The following ZDHHC2 variants were observed in gnomAD, a reference collection of about 807,000 sequenced individuals.
ZDHHC2 encodes palmitoyltransferase ZDHHC2.
In ZDHHC2, 51 loss-of-function variants were observed where a neutral mutation model predicts 55.6. The observed-to-expected ratio is 0.92, with a 90% CI of 0.73 to 1.16. The LOEUF is 1.16. ZDHHC2 is among the 50% of genes most tolerant of loss of function. The pLI is 0.00. For missense variants in ZDHHC2, 491 were observed against 442.4 expected (o/e 1.11, Z -0.99); for synonymous variants, 199 against 152.9 (o/e 1.30, Z -2.22).
At chr8:17,175,202 C>G (rs1160648119) in intron 1 of ZDHHC2, among the ~76,000 whole-genome samples, 1 of 152,150 alleles carries the variant, frequency 6.6e-6, no homozygotes, top group Non-Finnish European at 1.5e-5. Context: ...CAATGCATGC[C>G]AAGCCCTGTT....
chr8:17,201,044 A>G (rs898906915), intron 6 of ZDHHC2, among the ~76,000 whole-genome samples: 1 of 152,202 alleles, frequency 6.6e-6, no homozygotes, highest in Non-Finnish European at 1.5e-5. Context: ...TGGAGCAGCC[A>G]TTGTATTTAA....
At chr8:17,179,964 G>C (rs1316884856) in intron 1 of ZDHHC2, among the ~76,000 whole-genome samples, 2 of 152,140 alleles carry the variant, frequency 1.3e-5, no homozygotes, top group East Asian at 3.9e-4. Context: ...AAGATAAAAT[G>C]AGGCAAATAA....
rs1019248312 is a variant in ZDHHC2 at position 17,224,007 on chromosome 8, A to C, written c.*3786A>C. 1.3e-5 allele frequency: 2 copies of C among 151,668 alleles called. No homozygotes were observed. The highest frequency in any genetic ancestry group is 3.9e-4 in the East Asian group (2 of 5,176). 9.4% of individuals were successfully genotyped at this position (151,668 alleles called of 1,614,324 possible). A position where few individuals can be genotyped will look rare whatever the true frequency, so the allele number is the denominator to read the frequency against. On this transcript the variant is annotated 3_prime_UTR_variant, in exon 13 of 13. Transcript: ENST00000262096. ...CTCCCAGAACAATGTTGAGTGTTTC[A>C]GGAGACTCTGAAACAGGGCACCCAT...
In ZDHHC2 at chr8:17,217,243, A is replaced by AAT. The variant is rs766274046; in HGVS notation, c.*32_*33insTA. 6.3e-7 allele frequency: 1 copy of AAT among 1,588,556 alleles called. No homozygotes were observed. The highest frequency in any genetic ancestry group is 2.2e-5 in the East Asian group (1 of 44,540). On this transcript the variant is annotated 3_prime_UTR_variant, in exon 12 of 13. Transcript: ENST00000262096. ...CAAGCAAGATAAATTCATACTTTAT[A>AAT]AAAGTACGATAATTTTCCCTTTATT...
At chr8:17,164,499 A>C (rs80264469) in intron 1 of ZDHHC2, among the ~76,000 whole-genome samples, 1 of 152,260 alleles carries the variant, frequency 6.6e-6, no homozygotes, top group East Asian at 1.9e-4. Flanking sequence ...CATTCCTGTC[A>C]TACTTAAATT....
Position 17,198,284 on chromosome 8 carries a change from C to T in ZDHHC2, c.444-97C>T, listed in dbSNP as rs192339851. On this transcript the variant is annotated intron_variant, in intron 5 of 12. Transcript: ENST00000262096. ...AATAATTTTGCAATATTTTACTTGCCGCAGCTGTTTGAACTAACCATAATT... is the reference window on the plus strand; with the variant it reads ...AATAATTTTGCAATATTTTACTTGCTGCAGCTGTTTGAACTAACCATAATT... 5.0e-4 allele frequency: 584 copies of T among 1,157,024 alleles called. 8 individuals are homozygous for T. In the South Asian group the frequency reaches 5.1e-3, roughly 10 times the overall value. 71.7% of individuals were successfully genotyped at this position (1,157,024 alleles called of 1,614,324 possible).
chr8:17,212,713 A>G (rs748250966), intron 10 of ZDHHC2, among the ~76,000 whole-genome samples: 18 of 152,014 alleles, frequency 1.2e-4, no homozygotes, highest in Non-Finnish European at 2.2e-4. Flanking sequence ...TGAAAGCTCT[A>G]TTAGTTTCCC....
intron 4 of ZDHHC2, among the ~76,000 whole-genome samples, chr8:17,197,191 C>T (rs1301233469): frequency 6.6e-6 from 1 of 152,124 alleles, no homozygotes; most frequent in Admixed American, 6.5e-5. Flanking sequence ...AACCTGGTGT[C>T]CTTATTCCTA....
At chr8:17,183,307 C>T (rs1805528294) in intron 1 of ZDHHC2, among the ~76,000 whole-genome samples, 1 of 152,148 alleles carries the variant, frequency 6.6e-6, no homozygotes, top group Admixed American at 6.5e-5. Context: ...CTTTTGAAGA[C>T]AGGGTGTAGT....
chr8:17,202,165 G>A (rs1806816840), intron 6 of ZDHHC2, among the ~76,000 whole-genome samples: 1 of 152,158 alleles, frequency 6.6e-6, no homozygotes, highest in South Asian at 2.1e-4. Flanking sequence ...TTATGTTCTA[G>A]AGGCCATACA....
At chr8:17,209,404 T>C (rs938409368) in intron 8 of ZDHHC2, among the ~76,000 whole-genome samples, 3 of 152,172 alleles carry the variant, frequency 2.0e-5, no homozygotes, top group Admixed American at 1.3e-4. Context: ...GAAGAATTGC[T>C]TGAGCCTGGG....
At chr8:17,173,175 C>T (rs1055969222) in intron 1 of ZDHHC2, among the ~76,000 whole-genome samples, 11 of 152,242 alleles carry the variant, frequency 7.2e-5, no homozygotes, top group East Asian at 1.9e-4. Context: ...CCAGTGGCTG[C>T]GAGGCATCCG....
Position 17,197,649 on chromosome 8 carries a change from T to C in ZDHHC2, c.441T>C (p.Asp147=), listed in dbSNP as rs1806388871. 5.0e-6 allele frequency: 8 copies of C among 1,613,556 alleles called. No individual in the cohort carries two copies. Among genetic ancestry groups the C allele is most frequent in the Non-Finnish European group, 6.8e-6 (8 of 1,179,624 alleles). Residue 147 remains aspartate (D), a splice_region_variant and synonymous_variant, in exon 5 of 13, where the codon GAT becomes GAC. Transcript: ENST00000262096. ...PDRCHHCSVC[D]KCILKMDHHC... is the part of the protein sequence containing the mutation. Reference sequence around the variant, plus strand: ...GCTGCCATCACTGCTCCGTCTGTGATAAGTAAGAGAACCTTTAACTTCTAA... The same window carrying C: ...GCTGCCATCACTGCTCCGTCTGTGACAAGTAAGAGAACCTTTAACTTCTAA...
chr8:17,180,299 G>A (rs1585671081), intron 1 of ZDHHC2, among the ~76,000 whole-genome samples: 1 of 152,268 alleles, frequency 6.6e-6, no homozygotes, highest in East Asian at 1.9e-4. Context: ...ATTACTCTGT[G>A]TTAAGAATGA....
chr8:17,162,634 ATAACT>A (rs1241912245), intron 1 of ZDHHC2, among the ~76,000 whole-genome samples: 3 of 152,212 alleles, frequency 2.0e-5, no homozygotes, highest in Non-Finnish European at 4.4e-5. Context: ...GATTTACAAG[ATAACT>A]TCATAGAGAT....
chr8:17,211,757 A>G (rs1382770574), intron 10 of ZDHHC2, among the ~76,000 whole-genome samples: 1 of 152,150 alleles, frequency 6.6e-6, no homozygotes, highest in Non-Finnish European at 1.5e-5. Context: ...GGCCCAGTGT[A>G]TATATTTCAC....
At chr8:17,202,499 A>G (rs1806842418) in intron 6 of ZDHHC2, among the ~76,000 whole-genome samples, 1 of 152,230 alleles carries the variant, frequency 6.6e-6, no homozygotes, top group Non-Finnish European at 1.5e-5. Context: ...TGTGTTTTAC[A>G]CTGAACTTAA....
chr8:17,207,667 G>A (rs999468825), intron 7 of ZDHHC2, among the ~76,000 whole-genome samples: 4 of 151,870 alleles, frequency 2.6e-5, no homozygotes, highest in South Asian at 2.1e-4. Flanking sequence ...ATCTTGCTTC[G>A]TATTACAGTT....
At chr8:17,197,104 C>G (rs1043459840) in intron 4 of ZDHHC2, among the ~76,000 whole-genome samples, 1 of 152,132 alleles carries the variant, frequency 6.6e-6, no homozygotes, top group Non-Finnish European at 1.5e-5. Context: ...TAAACAAACA[C>G]TGCAGAAATT....
Sources: gnomAD v4.1 joint callset for allele counts (sites outside exome capture counted in the v4.1 genomes callset) on GRCh38, gnomAD v4.1.1 for gene constraint, MANE v1.5 for transcripts, NCBI Gene and HGNC (gene_info 2026-07-23, HGNC 2026-07-21) for gene names.